Variants in PSIP1 observed in about 807,000 individuals in gnomAD.
The protein encoded by PSIP1 is PC4 and SRSF1 interacting protein 1, also known as PC4 and SFRS1-interacting protein.
Under a neutral mutation model 74.7 loss-of-function variants are expected in PSIP1, and 19 were observed. The ratio of observed to expected loss-of-function variants is 0.25; its 90% CI spans 0.18 to 0.37. The LOEUF is 0.37. Ranked by LOEUF, PSIP1 falls within the 10% of genes least tolerant of loss-of-function variation. The pLI is 1.00. For missense variants in PSIP1, 601 were observed against 614.3 expected (o/e 0.98, Z 0.23); for synonymous variants, 222 against 195.3 (o/e 1.14, Z -1.14).
At chr9:15,487,557 G>T (rs1444221818) in intron 4 of PSIP1, among the ~76,000 whole-genome samples, 1 of 152,000 alleles carries the variant, frequency 6.6e-6, no homozygotes, top group Non-Finnish European at 1.5e-5. Context: ...GATCAAAATT[G>T]CACCACTGCA....
intron 10 of PSIP1, chr9:15,471,989 G>T: frequency 1.0e-6 from 1 of 974,302 alleles, no homozygotes; most frequent in Non-Finnish European, 1.2e-6. Context: ...ATAAAGACAC[G>T]AAGTCTGTTC....
intron 3 of PSIP1, among the ~76,000 whole-genome samples, chr9:15,491,628 T>C (rs1028855297): frequency 6.6e-6 from 1 of 152,176 alleles, no homozygotes; most frequent in Non-Finnish European, 1.5e-5. Context: ...ATCTAAAATA[T>C]CTGAAGTCAG....
rs2036584734 is a variant in PSIP1, at chr9:15,486,984, T to A, written c.289-53A>T. 7.7e-6 allele frequency: 9 copies of A among 1,164,690 alleles called. No individual in the cohort carries two copies. In the South Asian group the frequency reaches 1.3e-4, roughly 17 times the overall value. The allele number at this position is 1,164,690 out of a possible 1,614,324, so 72.1% of individuals were successfully genotyped here. On this transcript the variant is annotated intron_variant, in intron 4 of 15. Coordinates refer to ENST00000380733, the MANE Select transcript of PSIP1 (RefSeq NM_033222.5). ...AAAAAATAAGTTTTTATCCCAATAA[T>A]ATATACAATTCTTTATTTTTATTTT...
intron 10 of PSIP1, chr9:15,471,817 TTGTC>T (rs2035843527): frequency 1.0e-6 from 1 of 954,894 alleles, no homozygotes; most frequent in Non-Finnish European, 1.2e-6. Flanking sequence ...ATCATTAACT[TTGTC>T]TTATTGACCT....
rs1170471746 is a variant in PSIP1 at position 15,464,070 on chromosome 9, A to G, written c.*1450T>C. 1.1e-5 allele frequency: 2 copies of G among 177,548 alleles called. No individual in the cohort carries two copies. Among genetic ancestry groups the G allele is most frequent in the African/African-American group, 4.7e-5 (2 of 42,228 alleles). 11.0% of individuals were successfully genotyped at this position (177,548 alleles called of 1,614,324 possible). A position where few individuals can be genotyped will look rare whatever the true frequency, so the allele number is the denominator to read the frequency against. On this transcript the variant is annotated 3_prime_UTR_variant, in exon 16 of 16. Coordinates refer to ENST00000380733, the MANE Select transcript of PSIP1 (RefSeq NM_033222.5). ...GAAAGTAATTTACTAGCAGAGTTTG[A>G]TAGAAAAATTCTTTAATGAAAACAA... is the stretch of plus-strand genomic sequence containing the variant.
At chr9:15,510,075 G>A (rs747125653) in intron 2 of PSIP1, 42 bp downstream of exon 2, 12 of 1,556,664 alleles carry the variant, frequency 7.7e-6, no homozygotes, top group Middle Eastern at 1.7e-4. Context: ...CCTCTGGAGA[G>A]GAGGGTAGCA....
At chr9:15,473,906 AAAAAAAAACAAAAAAAAAAAC>A (rs1322425738) in intron 9 of PSIP1, 82 bp downstream of exon 9, 1 of 850,010 alleles carries the variant, frequency 1.2e-6, no homozygotes, top group Admixed American at 3.7e-5. Context: ...ATCTCAAACA[AAAAAAAAACAAAAAAAAAAAC>A]AAAAAAAAAA....
intron 3 of PSIP1, among the ~76,000 whole-genome samples, chr9:15,502,287 C>A: frequency 6.6e-6 from 1 of 152,072 alleles, no homozygotes; most frequent in African/African-American, 2.4e-5. Flanking sequence ...GAAAAAAAAT[C>A]TATACATATT....
chr9:15,465,542 T>C lies in PSIP1; in HGVS notation c.1571A>G (p.Lys524Arg), dbSNP rs1468134681. 12 of 1,582,624 alleles carry C rather than the reference T, an allele frequency of 7.6e-6. No homozygotes were observed. The highest frequency in any genetic ancestry group is 1.3e-5 in the African/African-American group (1 of 74,114). Residue 524 changes from lysine to arginine, a missense_variant, in exon 16 of 16, where the codon AAG becomes AGG. Lys to Arg is a conservative substitution (Grantham distance 26). Coordinates refer to ENST00000380733, the MANE Select transcript of PSIP1 (RefSeq NM_033222.5). ...AACCTAGTTATCTAGTGTAGAATCC[T>C]TCAGAGATATTTCAGTCTCTCTCTC... ...SEERETEISL[K>R]DSTLDN
intron 2 of PSIP1, among the ~76,000 whole-genome samples, chr9:15,507,055 G>A (rs1362095269): frequency 6.6e-6 from 1 of 152,156 alleles, no homozygotes; most frequent in Non-Finnish European, 1.5e-5. Flanking sequence ...AACCCTAAAT[G>A]TTAGTTCTGC....
chr9:15,469,419 G>C, intron 11 of PSIP1, 83 bp from the exon 12 acceptor site: 1 of 796,072 alleles, frequency 1.3e-6, no homozygotes, highest in Non-Finnish European at 2.0e-6. Context: ...TAATGAATTA[G>C]TGGACTTAAA....
chr9:15,495,553 T>C (rs1379588498), intron 3 of PSIP1, among the ~76,000 whole-genome samples: 2 of 152,148 alleles, frequency 1.3e-5, no homozygotes, highest in African/African-American at 2.4e-5. Flanking sequence ...AAGTGTATCA[T>C]TTCTTTGTAT....
intron 3 of PSIP1, among the ~76,000 whole-genome samples, chr9:15,498,082 A>G (rs1229584132): frequency 2.0e-5 from 3 of 152,142 alleles, no homozygotes; most frequent in African/African-American, 4.8e-5. Flanking sequence ...ATATTGCTCA[A>G]TCTCTGCACC....
At position 15,492,462 on chromosome 9, in the gene PSIP1, T is replaced by C. The variant is rs149777172; in HGVS notation, c.150-2338A>G. Reference sequence around the variant, plus strand: ...GAGCTCCCACAGCCTTAAAAAGCTCTGCCCCTATGGTTTTGCATGGTACAC... The same window carrying C: ...GAGCTCCCACAGCCTTAAAAAGCTCCGCCCCTATGGTTTTGCATGGTACAC... On this transcript the variant is annotated intron_variant, in intron 3 of 15. Coordinates refer to ENST00000380733, the MANE Select transcript of PSIP1 (RefSeq NM_033222.5). Among the ~76,000 whole-genome samples, 172 of 152,348 alleles carry C rather than the reference T, an allele frequency of 1.1e-3. 1 individual carries two copies. Among genetic ancestry groups the C allele is most frequent in the African/African-American group, 3.8e-3 (160 of 41,586 alleles).
intron 5 of PSIP1, among the ~76,000 whole-genome samples, chr9:15,486,295 AGTCT>A (rs749745032): frequency 3.9e-5 from 6 of 152,364 alleles, no homozygotes; most frequent in African/African-American, 9.6e-5. Flanking sequence ...TACACCAGGA[AGTCT>A]GTCTATTTAA....
At chr9:15,486,768 T>G in intron 5 of PSIP1, 59 bp downstream of exon 5, 1 of 1,230,800 alleles carries the variant, frequency 8.1e-7, no homozygotes. Context: ...GCCAACTCAT[T>G]TCATTATTTC....
intron 9 of PSIP1, among the ~76,000 whole-genome samples, 171 bp downstream of exon 9, chr9:15,473,838 T>G (rs140776962): frequency 1.1e-3 from 161 of 149,984 alleles, no homozygotes; most frequent in African/African-American, 3.7e-3. Flanking sequence ...GAGGCAGAGG[T>G]TGCAGTGAAC....
intron 10 of PSIP1, chr9:15,471,975 TGTA>T (rs1178915216): frequency 1.0e-6 from 1 of 973,472 alleles, no homozygotes. Flanking sequence ...GGAAAGCAAA[TGTA>T]ATAAAGACAC....
intron 7 of PSIP1, 57 bp downstream of exon 7, chr9:15,479,534 A>G (rs916853068): frequency 3.0e-5 from 41 of 1,378,810 alleles, no homozygotes; most frequent in Non-Finnish European, 4.1e-5. Context: ...CAACACTTTA[A>G]ATGGACTGGA....
Sources: gnomAD v4.1 joint callset for allele counts (sites outside exome capture counted in the v4.1 genomes callset) on GRCh38, gnomAD v4.1.1 for gene constraint, MANE v1.5 for transcripts, NCBI Gene and HGNC (gene_info 2026-07-23, HGNC 2026-07-21) for gene names.